The following OSBPL1A variants were observed in gnomAD, a reference collection of about 807,000 sequenced individuals.
The protein encoded by OSBPL1A is oxysterol binding protein like 1A, also known as oxysterol-binding protein-related protein 1.
In OSBPL1A, 80 loss-of-function variants were observed where a neutral mutation model predicts 137.1. That is an observed-to-expected ratio of 0.58 (90% CI 0.49 to 0.70). The LOEUF is 0.70. Among genes scored for constraint, OSBPL1A ranks in the 30% least tolerant of loss-of-function variants. OSBPL1A has a pLI of 0.00. For synonymous variants in OSBPL1A, 365 were observed against 389.7 expected (o/e 0.94, Z 0.75); for missense variants, 970 against 1,129.4 (o/e 0.86, Z 2.02).
chr18:24,363,548 G>A (rs1478101468), intron 4 of OSBPL1A, among the ~76,000 whole-genome samples: 2 of 150,100 alleles, frequency 1.3e-5, no homozygotes, highest in Non-Finnish European at 2.9e-5. Flanking sequence ...CTGGGTTCAA[G>A]TGATTCTCCT....
intron 18 of OSBPL1A, among the ~76,000 whole-genome samples, chr18:24,193,143 C>G (rs1301075063): frequency 1.3e-5 from 2 of 152,120 alleles, no homozygotes; most frequent in Non-Finnish European, 2.9e-5. Flanking sequence ...CTCAGTTTCA[C>G]CCCCACAAAA....
chr18:24,321,732 G>C (rs1285199699), intron 7 of OSBPL1A: 1 of 506,152 alleles, frequency 2.0e-6, no homozygotes, highest in Non-Finnish European at 4.0e-6. Flanking sequence ...TGGGTTGAGA[G>C]GGTAAGAAAA....
intron 16 of OSBPL1A, among the ~76,000 whole-genome samples, chr18:24,232,832 C>T (rs1320831553): frequency 6.6e-6 from 1 of 151,976 alleles, no homozygotes; most frequent in Non-Finnish European, 1.5e-5. Context: ...AATGATATGG[C>T]TGGTGCCCTC....
chr18:24,377,498 G>T lies in OSBPL1A; in HGVS notation c.36C>A (p.His12Gln). Residue 12 changes from histidine to glutamine, a missense_variant, in exon 2 of 28, where the codon CAC becomes CAA. Coordinates refer to ENST00000319481, the MANE Select transcript of OSBPL1A (RefSeq NM_080597.4). ...NTEAEQQLLH[H>Q]ARNGNAEEVR... is the part of the protein sequence containing the mutation. ...CTTCTTCAGCATTGCCATTTCTGGCGTGATGGAGAAGCTGTTGCTCCGCTT... is the reference window on the plus strand; with the variant it reads ...CTTCTTCAGCATTGCCATTTCTGGCTTGATGGAGAAGCTGTTGCTCCGCTT... 1.2e-6 allele frequency: 2 copies of T among 1,611,458 alleles called. No homozygotes were observed. The highest frequency in any genetic ancestry group is 1.7e-6 in the Non-Finnish European group (2 of 1,179,376).
At chr18:24,255,577 T>C (rs981641787) in intron 15 of OSBPL1A, among the ~76,000 whole-genome samples, 1 of 152,190 alleles carries the variant, frequency 6.6e-6, no homozygotes, top group East Asian at 1.9e-4. Context: ...GGAAGCCTCT[T>C]CCCTCCTTCC....
At chr18:24,215,113 T>C (rs2087653757) in intron 17 of OSBPL1A, among the ~76,000 whole-genome samples, 1 of 152,232 alleles carries the variant, frequency 6.6e-6, no homozygotes. Context: ...CTGACACGTA[T>C]GTTATTTTCC....
intron 11 of OSBPL1A, among the ~76,000 whole-genome samples, chr18:24,315,428 AGCCACT>A (rs1176770180): frequency 6.6e-6 from 1 of 151,730 alleles, no homozygotes; most frequent in Non-Finnish European, 1.5e-5. Flanking sequence ...CTGAGTCCAG[AGCCACT>A]GCCCAAGACA....
chr18:24,361,163 G>A (rs2146186599), intron 4 of OSBPL1A, among the ~76,000 whole-genome samples: 1 of 152,188 alleles, frequency 6.6e-6, no homozygotes, highest in South Asian at 2.1e-4. Flanking sequence ...CCGAGTAGCT[G>A]GGACTACAGA....
intron 21 of OSBPL1A, among the ~76,000 whole-genome samples, chr18:24,173,021 G>C (rs2086328273): frequency 6.6e-6 from 1 of 152,120 alleles, no homozygotes; most frequent in Non-Finnish European, 1.5e-5. Context: ...ATGATAGATT[G>C]GATAAAGCAA....
intron 7 of OSBPL1A, 21 bp downstream of exon 7, chr18:24,332,921 G>A (rs376353043): frequency 6.1e-5 from 98 of 1,605,970 alleles, no homozygotes; most frequent in Non-Finnish European, 7.9e-5. Context: ...GGCCAACGAT[G>A]GTTTTCACCA....
At chr18:24,274,209 G>A (rs1003748317) in intron 15 of OSBPL1A, among the ~76,000 whole-genome samples, 22 of 147,922 alleles carry the variant, frequency 1.5e-4, no homozygotes, top group Non-Finnish European at 2.7e-4. Context: ...ACTCTAGCCT[G>A]GGCAACAGAG....
chr18:24,383,444 T>A (rs1443544013), intron 1 of OSBPL1A, among the ~76,000 whole-genome samples: 1 of 152,196 alleles, frequency 6.6e-6, no homozygotes, highest in East Asian at 1.9e-4. Context: ...TTCTGTACAA[T>A]AAATATGAAA....
At chr18:24,341,716 C>G in intron 4 of OSBPL1A, 58 bp from the exon 5 acceptor site, 1 of 1,199,560 alleles carries the variant, frequency 8.3e-7, no homozygotes. Context: ...GCATTACCAC[C>G]CTTTTCCAAA....
chr18:24,325,850 G>C (rs2090966271), intron 7 of OSBPL1A, among the ~76,000 whole-genome samples: 1 of 152,176 alleles, frequency 6.6e-6, no homozygotes, highest in African/African-American at 2.4e-5. Context: ...AGAAGTCTTA[G>C]AAGAAATCAA....
chr18:24,276,906 A>G (rs190318679), intron 15 of OSBPL1A, among the ~76,000 whole-genome samples: 1 of 152,182 alleles, frequency 6.6e-6, no homozygotes, highest in Non-Finnish European at 1.5e-5. Context: ...GCCTGCACAC[A>G]CTGTAAACCC....
chr18:24,326,031 C>A (rs980645249), intron 7 of OSBPL1A, among the ~76,000 whole-genome samples: 4 of 150,952 alleles, frequency 2.6e-5, no homozygotes, highest in African/African-American at 4.9e-5. Flanking sequence ...GGATTACAGG[C>A]GTGAGCCACC....
At chr18:24,165,903 C>T (rs572805804) in intron 26 of OSBPL1A, among the ~76,000 whole-genome samples, 1 of 152,256 alleles carries the variant, frequency 6.6e-6, no homozygotes, top group South Asian at 2.1e-4. Flanking sequence ...CCAAGACCAA[C>T]CTGGCCAACA....
Position 24,307,362 on chromosome 18 carries a change from G to A in OSBPL1A, c.1093-3644C>T, listed in dbSNP as rs13380975. ...ACATTTATTCTTTCTGACATCTGGC[G>A]ATTATTATGCCCCTGCTTTGTAACT... On this transcript the variant is annotated intron_variant, in intron 13 of 27. Transcript: ENST00000319481. Among the ~76,000 whole-genome samples the A allele has an allele frequency of 6.0e-3, 914 of 152,272 alleles. 14 individuals are homozygous for A. The highest frequency in any genetic ancestry group is 0.021 in the African/African-American group (857 of 41,540).
chr18:24,232,944 C>T (rs981012976), intron 16 of OSBPL1A, among the ~76,000 whole-genome samples: 46 of 152,214 alleles, frequency 3.0e-4, no homozygotes, highest in Admixed American at 5.9e-4. Context: ...TGCCCATCTA[C>T]GCTATCGGAT....
Sources: allele counts gnomAD v4.1 joint callset (sites outside exome capture counted in the v4.1 genomes callset), GRCh38; gene constraint gnomAD v4.1.1; transcripts MANE v1.5; gene names NCBI Gene and HGNC (gene_info 2026-07-23, HGNC 2026-07-21).